The following MYO9A variants were observed in gnomAD, a reference collection of about 807,000 sequenced individuals.
The protein encoded by MYO9A is myosin IXA.
Under a neutral mutation model 293.3 loss-of-function variants are expected in MYO9A, and 103 were observed. The ratio of observed to expected loss-of-function variants is 0.35; its 90% confidence interval spans 0.30 to 0.41. The LOEUF is 0.41. Among genes scored for constraint, MYO9A ranks in the 10% least tolerant of loss-of-function variants. The pLI is 1.00. For missense variants in MYO9A, 2,685 were observed against 3,033.0 expected (o/e 0.89, Z 2.69); for synonymous variants, 1,001 against 1,035.7 (o/e 0.97, Z 0.64).
At chr15:71,900,063 C>A in intron 23 of MYO9A, 57 bp from the exon 24 acceptor site, 6 of 1,443,178 alleles carry the variant, frequency 4.2e-6, no homozygotes, top group Admixed American at 4.6e-5. Context: ...TGCATTTTCA[C>A]AGGAAAAAAA....
rs564350224 is a variant in MYO9A, at chr15:71,872,810, A to C, written c.5979+2981T>G. Among the ~76,000 whole-genome samples the C allele has an allele frequency of 2.0e-5, 3 of 152,212 alleles. No individual in the cohort carries two copies. In the East Asian group the frequency reaches 5.8e-4, roughly 29 times the overall value. On this transcript the variant is annotated intron_variant, in intron 32 of 41. Coordinates refer to ENST00000356056, the MANE Select transcript of MYO9A (RefSeq NM_006901.4). ...AGTACAGATATTAAAATTTTTAAAAACATATGCAAATAGTAGCTTTCTATA... is the reference window on the plus strand; with the variant it reads ...AGTACAGATATTAAAATTTTTAAAACCATATGCAAATAGTAGCTTTCTATA...
intron 6 of MYO9A, among the ~76,000 whole-genome samples, chr15:72,012,769 C>T (rs887893424): frequency 2.0e-5 from 3 of 152,072 alleles, no homozygotes; most frequent in African/African-American, 7.2e-5. Flanking sequence ...TCTATGCTTC[C>T]ACATGTGTCA....
At position 71,826,922 on chromosome 15, in the gene MYO9A, A is replaced by G. The variant is rs779607190; in HGVS notation, c.7305T>C (p.Ser2435=). Residue 2435 remains serine (S), a synonymous_variant, in exon 42 of 42, where the codon TCT becomes TCC. Transcript: ENST00000356056. The part of the protein sequence containing the change: ...SLDVVDSSVS[S]LCLSNTASSH... ...ATGATGCCGTGTTAGACAGACATAAAGAGGAGACCGAAGAGTCCACGACAT... is the reference window on the plus strand; with the variant it reads ...ATGATGCCGTGTTAGACAGACATAAGGAGGAGACCGAAGAGTCCACGACAT... 1.2e-6 allele frequency: 2 copies of G among 1,614,126 alleles called. No individual in the cohort carries two copies. Among genetic ancestry groups the G allele is most frequent in the Non-Finnish European group, 1.7e-6 (2 of 1,179,980 alleles).
At chr15:72,052,860 A>G (rs113042069) in intron 1 of MYO9A, among the ~76,000 whole-genome samples, 4 of 152,312 alleles carry the variant, frequency 2.6e-5, no homozygotes, top group African/African-American at 9.6e-5. Context: ...CCAGGCTGGT[A>G]GTGCAAGCCA....
Position 71,898,025 on chromosome 15 carries a change from A to T in MYO9A, c.4478T>A (p.Leu1493Gln). The part of the protein sequence containing the change: ...SNPVLKKLEK[L>Q]NTEKEERQKQ... ...TTGCCTTTCTTCCTTCTCAGTGTTT[A>T]GCTTTTCTAACTTCTTAAGCACAGG... Residue 1493 changes from leucine to glutamine, a missense_variant, in exon 25 of 42, where the codon CTA becomes CAA. Physicochemically the swap from Leu to Gln is moderately radical, Grantham distance 113. Transcript: ENST00000356056. 1 of 1,614,022 alleles carries T rather than the reference A, an allele frequency of 6.2e-7. No homozygotes were observed. Among genetic ancestry groups the T allele is most frequent in the Non-Finnish European group, 8.5e-7 (1 of 1,180,006 alleles).
At chr15:71,904,716 C>T (rs2143844047) in intron 20 of MYO9A, among the ~76,000 whole-genome samples, 1 of 152,270 alleles carries the variant, frequency 6.6e-6, no homozygotes, top group South Asian at 2.1e-4. Flanking sequence ...GTATTTGCTT[C>T]TCAAATTCTG....
chr15:72,103,379 A>AAGCAGCAGCAGCAGAAGC, intron 1 of MYO9A, among the ~76,000 whole-genome samples: 1 of 150,006 alleles, frequency 6.7e-6, no homozygotes, highest in South Asian at 2.1e-4. Context: ...GCAGAAGCAG[A>AAGCAGCAGCAGCAGAAGC]AGCAGCAGCA....
At chr15:71,989,441 C>T (rs949387908) in intron 11 of MYO9A, among the ~76,000 whole-genome samples, 12 of 152,084 alleles carry the variant, frequency 7.9e-5, no homozygotes, top group African/African-American at 2.7e-4. Context: ...TCCACAGATG[C>T]GCAAGTCTCT....
intron 8 of MYO9A, among the ~76,000 whole-genome samples, chr15:72,003,159 C>T (rs1249857123): frequency 6.6e-6 from 1 of 151,350 alleles, no homozygotes; most frequent in African/African-American, 2.4e-5. Context: ...ATCCCAGCTA[C>T]TCGGGAGGCT....
At chr15:72,101,805 C>A (rs1355372768) in intron 1 of MYO9A, among the ~76,000 whole-genome samples, 1 of 145,414 alleles carries the variant, frequency 6.9e-6, no homozygotes, top group Non-Finnish European at 1.5e-5. Context: ...CCGCCCCGTC[C>A]GGGAGGGAGG....
In MYO9A at chr15:71,990,960, T is replaced by C. The variant is rs531230212; in HGVS notation, c.1722+143A>G. 337 of 832,894 alleles carry C rather than the reference T, an allele frequency of 4.0e-4. 1 individual carries two copies. The African/African-American group carries it at 5.1e-3, about 13-fold the overall frequency. 51.6% of individuals were successfully genotyped at this position (832,894 alleles called of 1,614,324 possible). On this transcript the variant is annotated intron_variant, in intron 11 of 41. Coordinates refer to ENST00000356056, the MANE Select transcript of MYO9A (RefSeq NM_006901.4). The stretch of plus-strand genomic sequence containing the variant: ...CAAGCCAATTTACTTCGGTTATTCT[T>C]GTTTGTAAAGGCACGTTTCAATATT...
chr15:71,853,257 C>T (rs904732183), intron 35 of MYO9A, among the ~76,000 whole-genome samples: 7 of 152,200 alleles, frequency 4.6e-5, no homozygotes, highest in African/African-American at 7.2e-5. Context: ...AATGAAAAAA[C>T]GCATACAGGA....
At chr15:71,963,230 C>T (rs1440732660) in intron 13 of MYO9A, among the ~76,000 whole-genome samples, 1 of 151,950 alleles carries the variant, frequency 6.6e-6, no homozygotes, top group Non-Finnish European at 1.5e-5. Context: ...ACTACAGGCA[C>T]ACACCACCAT....
At chr15:72,002,827 T>A (rs1012505905) in intron 8 of MYO9A, among the ~76,000 whole-genome samples, 4 of 152,182 alleles carry the variant, frequency 2.6e-5, no homozygotes, top group Non-Finnish European at 5.9e-5. Flanking sequence ...TGAGTGGGGC[T>A]GTAAGGGTTG....
intron 15 of MYO9A, among the ~76,000 whole-genome samples, chr15:71,943,242 T>C (rs945994108): frequency 1.3e-5 from 2 of 152,068 alleles, no homozygotes; most frequent in Non-Finnish European, 2.9e-5. Flanking sequence ...AAAATTGTTA[T>C]TACTGTGGTT....
intron 1 of MYO9A, among the ~76,000 whole-genome samples, chr15:72,054,563 T>C (rs1392517577): frequency 6.6e-6 from 1 of 150,718 alleles, no homozygotes; most frequent in East Asian, 2.0e-4. Context: ...ACCAGCTGCT[T>C]GGGAGGCTGA....
intron 22 of MYO9A, 46 bp downstream of exon 22, chr15:71,902,895 A>T (rs2143679848): frequency 1.4e-6 from 2 of 1,386,542 alleles, no homozygotes; most frequent in East Asian, 5.1e-5. Context: ...TTATTTTTTA[A>T]ATAAATGCAC....
At chr15:72,025,366 A>G (rs1428910829) in intron 4 of MYO9A, among the ~76,000 whole-genome samples, 1 of 152,110 alleles carries the variant, frequency 6.6e-6, no homozygotes, top group Non-Finnish European at 1.5e-5. Context: ...TTGAGCAAAA[A>G]AACTTTTTTT....
chr15:71,845,277 T>TAATC (rs757766127), intron 39 of MYO9A, among the ~76,000 whole-genome samples: 2 of 148,484 alleles, frequency 1.3e-5, no homozygotes, highest in Non-Finnish European at 2.9e-5. Flanking sequence ...GTTCACCAGA[T>TAATC]AATCAGGGTT....
Sources: allele counts gnomAD v4.1 joint callset (sites outside exome capture counted in the v4.1 genomes callset), GRCh38; gene constraint gnomAD v4.1.1; transcripts MANE v1.5; gene names NCBI Gene and HGNC (gene_info 2026-07-23, HGNC 2026-07-21).